The following TRIM37 variants were observed in gnomAD, a reference collection of about 807,000 sequenced individuals.
TRIM37 encodes the protein tripartite motif containing 37.
In TRIM37, 80 loss-of-function variants were observed where a neutral mutation model predicts 129.8. The observed-to-expected ratio is 0.62, with a 90% CI of 0.51 to 0.74. TRIM37 has a LOEUF of 0.74. TRIM37 is among the 30% of genes least tolerant of loss of function. The pLI is 0.00. For missense variants in TRIM37, 1,054 were observed against 1,176.5 expected (o/e 0.90, Z 1.52); for synonymous variants, 389 against 387.1 (o/e 1.00, Z -0.06).
intron 24 of TRIM37, among the ~76,000 whole-genome samples, chr17:58,987,818 T>C (rs917225775): frequency 6.6e-6 from 1 of 152,230 alleles, no homozygotes; most frequent in African/African-American, 2.4e-5. Flanking sequence ...GCTCATTTTC[T>C]GAATTCTGGT....
At chr17:59,062,887 A>T (rs959522824) in intron 10 of TRIM37, among the ~76,000 whole-genome samples, 1 of 152,236 alleles carries the variant, frequency 6.6e-6, no homozygotes, top group Non-Finnish European at 1.5e-5. Context: ...GGGGAAAAAA[A>T]ACCCTCAAAA....
At chr17:59,015,570 A>G (rs2035820703) in intron 21 of TRIM37, 40 bp downstream of exon 21, 3 of 1,590,182 alleles carry the variant, frequency 1.9e-6, no homozygotes, top group African/African-American at 1.3e-5. Flanking sequence ...CAAAGCTATT[A>G]GCTATTATAC....
intron 15 of TRIM37, 50 bp from the exon 16 acceptor site, chr17:59,047,869 A>T: frequency 6.2e-7 from 1 of 1,607,176 alleles, no homozygotes. Context: ...GTTTCTACTC[A>T]GTTGATCACC....
chr17:58,972,030 G>T, the TRIM37 span: 2 of 1,114,140 alleles, frequency 1.8e-6, no homozygotes, highest in Non-Finnish European at 1.3e-6. Context: ...ATTATTAATA[G>T]TATAGCTCCC....
chr17:58,970,541 G>A, the TRIM37 span, among the ~76,000 whole-genome samples: 1 of 152,190 alleles, frequency 6.6e-6, no homozygotes, highest in African/African-American at 2.4e-5. Flanking sequence ...GGCTTGGAGA[G>A]ATCAGGGTAA....
chr17:58,980,289 A>AAGG, downstream of TRIM37: 1 of 1,614,182 alleles, frequency 6.2e-7, no homozygotes, highest in Non-Finnish European at 8.5e-7. The surrounding 1 kb of genome is among the most constrained non-coding windows in gnomAD (Gnocchi z 4.7). Flanking sequence ...AACTCTTTTC[A>AAGG]AGGAGGGCAA....
intron 12 of TRIM37, among the ~76,000 whole-genome samples, chr17:59,060,053 G>T (rs138694705): frequency 6.6e-6 from 1 of 152,124 alleles, no homozygotes; most frequent in African/African-American, 2.4e-5. Flanking sequence ...ACCCATTACG[G>T]ATCTCTAGAC....
At chr17:59,019,445 C>T (rs180940538) in intron 19 of TRIM37, among the ~76,000 whole-genome samples, 319 of 152,286 alleles carry the variant, frequency 2.1e-3, no homozygotes, top group African/African-American at 7.3e-3. Flanking sequence ...CGCAGTGGCT[C>T]ACATCTGTAA....
intron 17 of TRIM37, among the ~76,000 whole-genome samples, chr17:59,035,570 G>A (rs1382990944): frequency 1.3e-5 from 2 of 151,568 alleles, no homozygotes; most frequent in African/African-American, 4.8e-5. Context: ...TGGCCACAAT[G>A]GTGAAACCGT....
chr17:59,009,192 A>AT (rs1262509855), intron 22 of TRIM37, among the ~76,000 whole-genome samples: 1 of 151,894 alleles, frequency 6.6e-6, no homozygotes, highest in Non-Finnish European at 1.5e-5. Flanking sequence ...AATGGCCACA[A>AT]TCTCAGCTCA....
At chr17:58,969,525 G>A in the TRIM37 span, 2 of 1,613,882 alleles carry the variant, frequency 1.2e-6, no homozygotes, top group African/African-American at 1.3e-5. Flanking sequence ...ACTGTTCTGT[G>A]TTTCTGTTGA....
chr17:59,049,035 C>T, intron 15 of TRIM37, 143 bp downstream of exon 15: 1 of 704,702 alleles, frequency 1.4e-6, no homozygotes, highest in Non-Finnish European at 2.5e-6. Context: ...TTAACATTTA[C>T]ATAAGGGCAT....
chr17:59,102,107 A>G (rs1252680293), intron 2 of TRIM37, among the ~76,000 whole-genome samples: 8 of 152,160 alleles, frequency 5.3e-5, no homozygotes, highest in Non-Finnish European at 8.8e-5. Flanking sequence ...AGACATCCAA[A>G]AGTCAGTGCT....
chr17:58,970,515 A>C, the TRIM37 span, among the ~76,000 whole-genome samples: 14 of 152,224 alleles, frequency 9.2e-5, no homozygotes, highest in Non-Finnish European at 1.9e-4. Flanking sequence ...CTTAAACATT[A>C]ACTCTTTTTA....
intron 10 of TRIM37, among the ~76,000 whole-genome samples, chr17:59,063,168 CTT>C (rs1015376331): frequency 7.8e-5 from 11 of 141,196 alleles, no homozygotes; most frequent in Non-Finnish European, 6.2e-5. Context: ...TTCTGTGTGG[CTT>C]TTTTTTTTTT....
chr17:58,988,366 T>G (rs1421235781), intron 24 of TRIM37, among the ~76,000 whole-genome samples: 1 of 152,134 alleles, frequency 6.6e-6, no homozygotes, highest in Non-Finnish European at 1.5e-5. Context: ...TACCATACCC[T>G]TTCTCTCATC....
chr17:59,066,652 G>C (rs1290290806), intron 9 of TRIM37, among the ~76,000 whole-genome samples: 1 of 152,114 alleles, frequency 6.6e-6, no homozygotes, highest in Admixed American at 6.5e-5. Flanking sequence ...ACCACATTCA[G>C]AGCACAGAAA....
intron 13 of TRIM37, among the ~76,000 whole-genome samples, chr17:59,052,127 A>G (rs547891003): frequency 1.6e-3 from 242 of 152,094 alleles, no homozygotes; most frequent in Non-Finnish European, 2.4e-3. Flanking sequence ...ATTTCAGCTT[A>G]GGTTAGGAAA....
At chr17:59,057,573 G>A (rs987559182) in intron 12 of TRIM37, among the ~76,000 whole-genome samples, 1 of 152,188 alleles carries the variant, frequency 6.6e-6, no homozygotes, top group Non-Finnish European at 1.5e-5. Flanking sequence ...GCCCAGGCTA[G>A]AGGGCAGTGG....
Sources: allele counts gnomAD v4.1 joint callset (sites outside exome capture counted in the v4.1 genomes callset), GRCh38; gene constraint gnomAD v4.1.1; non-coding constraint Gnocchi (gnomAD v3.1); transcripts MANE v1.5; gene names NCBI Gene and HGNC (gene_info 2026-07-23, HGNC 2026-07-21).